The following PPFIA3 variants were observed in gnomAD, a reference collection of about 807,000 sequenced individuals.
The protein encoded by PPFIA3 is PPFI scaffold protein A3.
A neutral mutation model predicts 145.8 loss-of-function variants in PPFIA3; 26 were observed. The observed-to-expected ratio is 0.18, with a 90% confidence interval of 0.13 to 0.25. The LOEUF (loss-of-function observed/expected upper bound fraction) is 0.25. PPFIA3 is among the 10% of genes least tolerant of loss of function. The pLI is 1.00. For missense variants in PPFIA3, 1,008 were observed against 1,587.8 expected (o/e 0.63, Z 6.21); for synonymous variants, 645 against 661.4 (o/e 0.98, Z 0.38).
chr19:49,128,549 C>G lies in PPFIA3; in HGVS notation c.342+81C>G. ...TGGGGGGCGGGGCCTCTCAGTGTTG[C>G]AGCGTGACCTATTTTTTTCCCCCAT... is the stretch of plus-strand genomic sequence containing the variant. On this transcript the variant is annotated intron_variant, in intron 3 of 29. Transcript: ENST00000334186. This position sits in a 1 kb window ranked among gnomAD's most constrained non-coding sequence, Gnocchi z 4.1. 4 of 1,306,230 alleles carry G rather than the reference C, an allele frequency of 3.1e-6. No homozygotes were observed. The highest frequency in any genetic ancestry group is 4.3e-6 in the Non-Finnish European group (4 of 919,666). The allele number at this position is 1,306,230 out of a possible 1,614,324, so 80.9% of individuals were successfully genotyped here. A position where few individuals can be genotyped will look rare whatever the true frequency, so the allele number is the denominator to read the frequency against.
At chr19:49,135,756 G>A in intron 13 of PPFIA3, 23 bp from the exon 14 acceptor site, 2 of 1,593,292 alleles carry the variant, frequency 1.3e-6, no homozygotes, top group Non-Finnish European at 1.7e-6. Context: ...CTTGGTCTCT[G>A]ACTGCTTTCC....
Position 49,135,932 on chromosome 19 carries a change from C to A in PPFIA3, c.1665+9C>A. 6.2e-7 allele frequency: 1 copy of A among 1,606,476 alleles called. No individual in the cohort carries two copies. Among genetic ancestry groups the A allele is most frequent in the Middle Eastern group, 1.7e-4 (1 of 5,856 alleles). ...AGGAGGAGCCCTCCAAGGTCAGCAG[C>A]TGCCTCTGGGTCCTGGACTGAGCAG... On this transcript the variant is annotated intron_variant, in intron 14 of 29. Transcript: ENST00000334186.
At chr19:49,137,055 G>C in intron 15 of PPFIA3, 144 bp downstream of exon 15, 1 of 743,682 alleles carries the variant, frequency 1.3e-6, no homozygotes, top group Non-Finnish European at 2.0e-6. Flanking sequence ...TCACTCCGCT[G>C]TCCAGGCATC....
chr19:49,132,853 G>A (rs1879376989), intron 7 of PPFIA3, 148 bp from the exon 8 acceptor site: 4 of 992,046 alleles, frequency 4.0e-6, no homozygotes, highest in Non-Finnish European at 5.8e-6. Flanking sequence ...AGGGACTTAA[G>A]ATGGGCTAGT....
Position 49,150,350 on chromosome 19 carries a change from T to C in PPFIA3, c.*128T>C. Reference sequence around the variant, plus strand: ...GGAGCTCGCGCCGAGGACTGGACCATCTGTACAGACCAGCGGGAGTGCGCG... The same window carrying C: ...GGAGCTCGCGCCGAGGACTGGACCACCTGTACAGACCAGCGGGAGTGCGCG... On this transcript the variant is annotated 3_prime_UTR_variant, in exon 30 of 30. Transcript: ENST00000334186. 2 of 588,168 alleles carry C rather than the reference T, an allele frequency of 3.4e-6. No homozygotes were observed. Among genetic ancestry groups the C allele is most frequent in the Non-Finnish European group, 6.0e-6 (2 of 335,748 alleles). The allele number at this position is 588,168 out of a possible 1,614,324, so 36.4% of individuals were successfully genotyped here.
rs970633127 is a variant in PPFIA3 at position 49,150,239 on chromosome 19, A to C, written c.*17A>C. 1.7e-6 allele frequency: 2 copies of C among 1,197,944 alleles called. No homozygotes were observed. Among genetic ancestry groups the C allele is most frequent in the African/African-American group, 3.0e-5 (2 of 66,258 alleles). 74.2% of individuals were successfully genotyped at this position (1,197,944 alleles called of 1,614,324 possible). ...CGCGCTGCCCGGCGTCATGCAGGTGACCTCACTCGGACGGAAGAATCTTCC... is the reference window on the plus strand; with the variant it reads ...CGCGCTGCCCGGCGTCATGCAGGTGCCCTCACTCGGACGGAAGAATCTTCC... On this transcript the variant is annotated 3_prime_UTR_variant, in exon 30 of 30. Transcript: ENST00000334186.
In PPFIA3 at chr19:49,134,091, G is replaced by A. The variant is rs2041108477; in HGVS notation, c.1303G>A (p.Asp435Asn). Residue 435 changes from aspartate to asparagine, a missense_variant, in exon 11 of 30, where the codon GAC (aspartate) becomes AAC (asparagine). Asp to Asn is a conservative substitution (Grantham distance 23, BLOSUM62 1). This residue lies in a region of PPFIA3 where 109 missense variants were observed against 198.1 expected (regional missense o/e 0.55). Transcript: ENST00000334186. ...DHNKRLSETV[D>N]KLLSESNERL... ...CAATAAGCGGCTGTCCGAGACGGTG[G>A]ACAAGCTGCTGAGCGAGTCCAACGA... The A allele has an allele frequency of 1.9e-6, 3 of 1,613,978 alleles. No individual in the cohort carries two copies. Among genetic ancestry groups the A allele is most frequent in the Non-Finnish European group, 2.5e-6 (3 of 1,179,930 alleles).
At chr19:49,126,027 C>G (rs140729422) in intron 1 of PPFIA3, among the ~76,000 whole-genome samples, 1 of 151,922 alleles carries the variant, frequency 6.6e-6, no homozygotes, top group Admixed American at 6.6e-5. Flanking sequence ...CTTGGCTCAC[C>G]GCAACCTCTG....
At chr19:49,124,070 C>T (rs907836690) in intron 1 of PPFIA3, among the ~76,000 whole-genome samples, 6 of 152,088 alleles carry the variant, frequency 3.9e-5, no homozygotes, top group African/African-American at 9.7e-5. Flanking sequence ...TCCCCCTCCC[C>T]GCCCTATAGA....
Position 49,128,505 on chromosome 19 carries a change from G to T in PPFIA3, c.342+37G>T, listed in dbSNP as rs777243446. On this transcript the variant is annotated intron_variant, in intron 3 of 29. Transcript: ENST00000334186. This position sits in a 1 kb window ranked among gnomAD's most constrained non-coding sequence, Gnocchi z 4.1. ...TGAGGGCGGGGCCTAAGTGGGGGCG[G>T]GGCCTCGTGGTGTTGAAGTGGGGGG... 6.4e-7 allele frequency: 1 copy of T among 1,560,002 alleles called. No individual in the cohort carries two copies. The highest frequency in any genetic ancestry group is 1.7e-5 in the Admixed American group (1 of 59,354).
At position 49,123,501 on chromosome 19, in the gene PPFIA3, C is replaced by T. The variant is rs560420712; in HGVS notation, c.-16+3779C>T. ...TGTTGCCCAGGCCAGAGTGCAGTGACGCAATCCCGGCTCACTGCAACCTCC... is the reference window on the plus strand; with the variant it reads ...TGTTGCCCAGGCCAGAGTGCAGTGATGCAATCCCGGCTCACTGCAACCTCC... On this transcript the variant is annotated intron_variant, in intron 1 of 29. Transcript: ENST00000334186. Among the ~76,000 whole-genome samples the T allele has an allele frequency of 9.9e-5, 15 of 151,108 alleles. No homozygotes were observed. The South Asian group carries it at 1.7e-3, about 17-fold the overall frequency.
intron 1 of PPFIA3, among the ~76,000 whole-genome samples, chr19:49,126,309 T>C (rs1324880153): frequency 1.3e-5 from 2 of 149,722 alleles, no homozygotes; most frequent in Non-Finnish European, 3.0e-5. Context: ...AGTTCAGTGG[T>C]GCTATCTCGG....
rs773395967 is a variant in PPFIA3 at position 49,149,524 on chromosome 19, G to C, written c.3355-23G>C. 35 of 1,613,632 alleles carry C rather than the reference G, an allele frequency of 2.2e-5. No homozygotes were observed. Among genetic ancestry groups the C allele is most frequent in the African/African-American group, 6.7e-5 (5 of 74,916 alleles). ...TCAGACAAGGCAGGAGTCCCTCACC[G>C]GCTGTCCGGCTCCTATACCTAGGAC... is the stretch of plus-strand genomic sequence containing the variant. On this transcript the variant is annotated intron_variant, in intron 27 of 29. Transcript: ENST00000334186. The surrounding 1 kb of genome is among the most constrained non-coding windows in gnomAD (Gnocchi z 5.7).
intron 19 of PPFIA3, among the ~76,000 whole-genome samples, 190 bp from the exon 20 acceptor site, chr19:49,141,844 G>T (rs2041227978): frequency 6.6e-6 from 1 of 150,812 alleles, no homozygotes; most frequent in African/African-American, 2.4e-5. Context: ...TCTTTTGATA[G>T]GGGTTGGGGG....
intron 15 of PPFIA3, 102 bp from the exon 16 acceptor site, chr19:49,138,103 C>A (rs771414835): frequency 3.2e-5 from 46 of 1,417,392 alleles, no homozygotes; most frequent in Non-Finnish European, 4.0e-5. Flanking sequence ...CCCCAGAATT[C>A]CCATTGCCCC....
At chr19:49,124,848 G>A (rs2040977677) in intron 1 of PPFIA3, among the ~76,000 whole-genome samples, 1 of 152,060 alleles carries the variant, frequency 6.6e-6, no homozygotes, top group Non-Finnish European at 1.5e-5. Context: ...GGTGGATCAC[G>A]AGGTCAGGAG....
intron 18 of PPFIA3, among the ~76,000 whole-genome samples, chr19:49,140,664 T>TTTTTTTTTG (rs1568439584): frequency 7.3e-6 from 1 of 137,716 alleles, no homozygotes; most frequent in African/African-American, 2.9e-5. Flanking sequence ...TTTTTTTTTT[T>TTTTTTTTTG]TTTGTTTGGA....
Position 49,128,340 on chromosome 19 carries a change from G to T in PPFIA3, c.241-27G>T. 1 of 1,611,584 alleles carries T rather than the reference G, an allele frequency of 6.2e-7. No individual in the cohort carries two copies. Among genetic ancestry groups the T allele is most frequent in the South Asian group, 1.1e-5 (1 of 91,042 alleles). ...AGACAGGGAAAGGATTGAGCCGAAT[G>T]TCCAGATCCTGCCAATGTCTGGACA... On this transcript the variant is annotated intron_variant, in intron 2 of 29. Transcript: ENST00000334186. The surrounding 1 kb of genome is among the most constrained non-coding windows in gnomAD (Gnocchi z 4.1).
At chr19:49,147,358 C>T (rs80016527) in intron 23 of PPFIA3, among the ~76,000 whole-genome samples, 3 of 152,124 alleles carry the variant, frequency 2.0e-5, no homozygotes, top group African/African-American at 7.2e-5. Flanking sequence ...CTGAGGTCAA[C>T]CTGGGCAACA....
Sources: gnomAD v4.1 joint callset for allele counts (sites outside exome capture counted in the v4.1 genomes callset) on GRCh38, gnomAD v4.1.1 for gene constraint, gnomAD v4.1.1 regional missense constraint, Gnocchi (gnomAD v3.1) non-coding constraint, MANE v1.5 for transcripts, NCBI Gene and HGNC (gene_info 2026-07-23, HGNC 2026-07-21) for gene names.